Variants in ULK4 observed in about 807,000 individuals in gnomAD.
ULK4 encodes unc-51 like kinase 4.
ULK4 carries 133 observed loss-of-function variants against 160.6 expected under a neutral mutation model. The observed-to-expected ratio is 0.83, with a 90% CI of 0.72 to 0.96. ULK4 has a LOEUF of 0.96. Ranked by LOEUF, ULK4 falls within the 40% of genes least tolerant of loss-of-function variation. The pLI is 0.00. For synonymous variants in ULK4, 534 were observed against 539.8 expected, an observed-to-expected ratio of 0.99 and a Z score of 0.15; for missense variants, 1,580 against 1,499.5, an observed-to-expected ratio of 1.05 and a Z score of -0.89.
chr3:41,289,588 C>A (rs745340643), intron 35 of ULK4, among the ~76,000 whole-genome samples: 2 of 152,162 alleles, frequency 1.3e-5, no homozygotes, highest in Non-Finnish European at 2.9e-5. Context: ...AAAGCCTGGG[C>A]AGTACCCTAG....
At chr3:41,265,655 C>T (rs539247708) in intron 35 of ULK4, among the ~76,000 whole-genome samples, 3 of 152,208 alleles carry the variant, frequency 2.0e-5, no homozygotes, top group South Asian at 2.1e-4. Context: ...GATCAAATAC[C>T]GACTCCATTT....
At chr3:41,707,485 C>A (rs963931014) in intron 25 of ULK4, among the ~76,000 whole-genome samples, 3 of 152,008 alleles carry the variant, frequency 2.0e-5, no homozygotes, top group Non-Finnish European at 2.9e-5. Context: ...GGTGAATATG[C>A]AAAATATATA....
chr3:41,253,858 G>A (rs1241884947), intron 35 of ULK4, among the ~76,000 whole-genome samples: 3 of 152,144 alleles, frequency 2.0e-5, no homozygotes, highest in Non-Finnish European at 4.4e-5. Context: ...AGCTAGAGTG[G>A]CTATAGTAAT....
At chr3:41,428,875 A>C (rs1270452157) in intron 34 of ULK4, among the ~76,000 whole-genome samples, 4 of 152,220 alleles carry the variant, frequency 2.6e-5, no homozygotes, top group Non-Finnish European at 5.9e-5. Context: ...AAAAACGTCA[A>C]AAGCTATTGC....
intron 34 of ULK4, among the ~76,000 whole-genome samples, chr3:41,447,722 C>A (rs962534174): frequency 2.0e-4 from 30 of 152,120 alleles, no homozygotes; most frequent in African/African-American, 7.0e-4. Flanking sequence ...TGGCTATAAG[C>A]ACAGCAATTT....
chr3:41,586,245 C>T (rs185066291), intron 31 of ULK4, among the ~76,000 whole-genome samples: 77 of 152,256 alleles, frequency 5.1e-4, no homozygotes, highest in Admixed American at 3.1e-3. Context: ...ATGGAATCAA[C>T]TTGAGTGTCC....
intron 30 of ULK4, among the ~76,000 whole-genome samples, chr3:41,631,545 G>A (rs1167053385): frequency 6.6e-6 from 1 of 152,096 alleles, no homozygotes; most frequent in African/African-American, 2.4e-5. Context: ...GACAATTTCG[G>A]TTAGGTTAAA....
At chr3:41,421,056 A>G (rs552656885) in intron 34 of ULK4, among the ~76,000 whole-genome samples, 1 of 151,924 alleles carries the variant, frequency 6.6e-6, no homozygotes, top group African/African-American at 2.4e-5. Context: ...GGAGGTTGCA[A>G]TGAGCTGAGA....
chr3:41,450,783 A>G (rs1383556309), intron 34 of ULK4, among the ~76,000 whole-genome samples: 1 of 152,212 alleles, frequency 6.6e-6, no homozygotes, highest in Admixed American at 6.5e-5. Flanking sequence ...CACTTTATAC[A>G]CAGCTATAAA....
intron 35 of ULK4, among the ~76,000 whole-genome samples, chr3:41,250,499 GC>G (rs2078725916): frequency 6.6e-6 from 1 of 152,128 alleles, no homozygotes; most frequent in Admixed American, 6.5e-5. Flanking sequence ...AAATTAAGGG[GC>G]TGCTACAGGA....
intron 34 of ULK4, among the ~76,000 whole-genome samples, chr3:41,411,135 G>A (rs2082401031): frequency 1.3e-5 from 2 of 152,098 alleles, no homozygotes; most frequent in African/African-American, 4.8e-5. Flanking sequence ...GGGGTAGAAG[G>A]GAACTTCTTG....
intron 19 of ULK4, among the ~76,000 whole-genome samples, chr3:41,818,057 C>T (rs117539977): frequency 1.8e-4 from 27 of 148,640 alleles, no homozygotes; most frequent in Admixed American, 1.4e-3. Context: ...TCTTCCATAC[C>T]GTTGGTGGGA....
At chr3:41,828,644 G>C (rs2041457441) in intron 18 of ULK4, among the ~76,000 whole-genome samples, 1 of 149,774 alleles carries the variant, frequency 6.7e-6, no homozygotes, top group Admixed American at 6.6e-5. Context: ...TGAAATTAAA[G>C]AGGATACAAA....
chr3:41,597,688 C>T (rs1056738457), intron 31 of ULK4, among the ~76,000 whole-genome samples: 1 of 152,188 alleles, frequency 6.6e-6, no homozygotes, highest in African/African-American at 2.4e-5. Flanking sequence ...TGAGACAGCA[C>T]TGCCCACAGG....
At chr3:41,662,789 T>C (rs1355688911) in intron 30 of ULK4, among the ~76,000 whole-genome samples, 1 of 152,136 alleles carries the variant, frequency 6.6e-6, no homozygotes, top group Non-Finnish European at 1.5e-5. Context: ...TCCCCTTCTG[T>C]GGACCTCTCA....
At chr3:41,620,238 G>A (rs1287506982) in intron 30 of ULK4, among the ~76,000 whole-genome samples, 2 of 152,164 alleles carry the variant, frequency 1.3e-5, no homozygotes, top group Non-Finnish European at 2.9e-5. Context: ...ACAGAAAAAG[G>A]ACTTCTCCCT....
At chr3:41,803,746 T>G (rs1302499732) in intron 19 of ULK4, among the ~76,000 whole-genome samples, 1 of 152,186 alleles carries the variant, frequency 6.6e-6, no homozygotes, top group African/African-American at 2.4e-5. Context: ...TTTGGTTTTT[T>G]GTCCTTGCAA....
chr3:41,769,241 C>G (rs1407722909), intron 21 of ULK4, among the ~76,000 whole-genome samples: 3 of 152,142 alleles, frequency 2.0e-5, no homozygotes, highest in Non-Finnish European at 2.9e-5. Flanking sequence ...ACTGAATGAA[C>G]AGTAATGACT....
rs137877147 is a variant in ULK4, at chr3:41,942,405, G to A, written c.139-4208C>T. 8.5e-3 allele frequency among the ~76,000 whole-genome samples: 1,293 copies of A among 152,172 alleles called. 17 individuals carry two copies. The highest frequency in any genetic ancestry group is 0.03 in the African/African-American group (1,244 of 41,512). ...ATGGTGGTGCATGCCTGAAATTCCAGGAACTCAGGGGTCTGAGGCAGCAGA... is the reference window on the plus strand; with the variant it reads ...ATGGTGGTGCATGCCTGAAATTCCAAGAACTCAGGGGTCTGAGGCAGCAGA... On this transcript the variant is annotated intron_variant, in intron 2 of 36. Coordinates refer to ENST00000301831, the MANE Select transcript of ULK4 (RefSeq NM_017886.4).
Sources: allele counts gnomAD v4.1 joint callset (sites outside exome capture counted in the v4.1 genomes callset), GRCh38; gene constraint gnomAD v4.1.1; transcripts MANE v1.5; gene names NCBI Gene and HGNC (gene_info 2026-07-23, HGNC 2026-07-21).